ANKRD30B: variants seen among roughly 807,000 people sequenced by gnomAD.
ANKRD30B encodes ankyrin repeat domain-containing protein 30B.
Under a neutral mutation model 202.2 loss-of-function variants are expected in ANKRD30B, and 144 were observed. That is an observed-to-expected ratio of 0.71 (90% confidence interval 0.62 to 0.82). The LOEUF is 0.82. Ranked by LOEUF, ANKRD30B falls within the 40% of genes least tolerant of loss-of-function variation. The pLI is 0.00. For missense variants in ANKRD30B, 1,487 were observed against 1,669.1 expected, an observed-to-expected ratio of 0.89 and a Z score of 1.90; for synonymous variants, 508 against 561.3, an observed-to-expected ratio of 0.91 and a Z score of 1.34.
the ANKRD30B span, among the ~76,000 whole-genome samples, chr18:14,919,828 T>G: frequency 3.3e-5 from 5 of 152,162 alleles, no homozygotes; most frequent in Non-Finnish European, 7.4e-5. Flanking sequence ...AAATCAACCC[T>G]GGTAAATGTT....
intron 6 of ANKRD30B, among the ~76,000 whole-genome samples, chr18:14,763,449 A>G (rs951734643): frequency 2.0e-5 from 3 of 152,076 alleles, no homozygotes; most frequent in Non-Finnish European, 4.4e-5. Flanking sequence ...TGGGAGACTG[A>G]GGTAGGAGAG....
rs186864793 is a variant in ANKRD30B at position 14,851,510 on chromosome 18, T to G, written c.3566T>G (p.Val1189Gly). The G allele has an allele frequency of 6.6e-7, 1 of 1,518,662 alleles. No individual in the cohort carries two copies. Among genetic ancestry groups the G allele is most frequent in the Admixed American group, 2.4e-5 (1 of 42,306 alleles). 94.1% of individuals were successfully genotyped at this position (1,518,662 alleles called of 1,614,324 possible). ...LKSVTSNLNQVSHTHESENDL... is the reference protein window; with the variant it reads ...LKSVTSNLNQGSHTHESENDL... ...AAATTTTTATTTTGTTTTATTTAGGTTTCTCACACTCATGAAAGTGAAAAT... is the reference window on the plus strand; with the variant it reads ...AAATTTTTATTTTGTTTTATTTAGGGTTCTCACACTCATGAAAGTGAAAAT... The change falls in exon 42 of 44, where the codon GTT becomes GGT. Residue 1189 changes from valine to glycine, a missense_variant and splice_region_variant. Physicochemically the swap from Val to Gly is moderately radical, Grantham distance 109. Coordinates refer to ENST00000690538, the MANE Select transcript of ANKRD30B (RefSeq NM_001367607.2).
the ANKRD30B span, among the ~76,000 whole-genome samples, chr18:14,868,871 A>T: frequency 6.6e-6 from 1 of 152,242 alleles, no homozygotes; most frequent in Admixed American, 6.5e-5. Context: ...CCAGGAAGTG[A>T]TGCTGGGACT....
intron 24 of ANKRD30B, among the ~76,000 whole-genome samples, chr18:14,804,267 G>C (rs1262875231): frequency 2.6e-3 from 169 of 65,852 alleles, no homozygotes; most frequent in African/African-American, 9.5e-3. Flanking sequence ...AAACATACCA[G>C]AGAATTACAG....
In ANKRD30B at chr18:14,828,701, G is replaced by A. The variant is rs530388518; in HGVS notation, c.2774+393G>A. Among the ~76,000 whole-genome samples the A allele has an allele frequency of 2.0e-5, 3 of 152,290 alleles. No individual in the cohort carries two copies. In the East Asian group the frequency reaches 5.8e-4, roughly 29 times the overall value. The stretch of plus-strand genomic sequence containing the variant: ...TTCACAAAGTCACATTTTGTTATAT[G>A]TTAACTCTTTTTAGAGATTTCCCAT... On this transcript the variant is annotated intron_variant, in intron 33 of 43. Transcript: ENST00000690538.
chr18:14,823,927 A>C (rs1336885396), intron 32 of ANKRD30B, among the ~76,000 whole-genome samples: 2 of 152,182 alleles, frequency 1.3e-5, no homozygotes, highest in East Asian at 3.9e-4. Context: ...GTGAGCAAAG[A>C]TCGTGCCACT....
At chr18:14,790,929 T>C (rs1374198052) in intron 15 of ANKRD30B, among the ~76,000 whole-genome samples, 2 of 152,166 alleles carry the variant, frequency 1.3e-5, no homozygotes, top group African/African-American at 4.8e-5. Flanking sequence ...GAGGATTCCC[T>C]CTTTTTCTAT....
At chr18:14,898,992 G>T in the ANKRD30B span, among the ~76,000 whole-genome samples, 2 of 152,088 alleles carry the variant, frequency 1.3e-5, no homozygotes, top group Non-Finnish European at 2.9e-5. Flanking sequence ...GATAGCCTAA[G>T]ACAGAATATT....
chr18:14,784,538 A>G lies in ANKRD30B; in HGVS notation c.1672+3A>G, dbSNP rs778124376. The G allele has an allele frequency of 7.4e-6, 12 of 1,611,862 alleles. No homozygotes were observed. The highest frequency in any genetic ancestry group is 1.7e-4 in the Middle Eastern group (1 of 6,012). ...GAATGAACAAACATTGAGAGCAGGT[A>G]AATTTTTCAATTTAACTATGCAAAG... On this transcript the variant is annotated splice_donor_region_variant and intron_variant, in intron 14 of 43. Coordinates refer to ENST00000690538, the MANE Select transcript of ANKRD30B (RefSeq NM_001367607.2).
the ANKRD30B span, among the ~76,000 whole-genome samples, chr18:14,869,016 C>T: frequency 6.6e-6 from 1 of 152,304 alleles, no homozygotes; most frequent in Admixed American, 6.5e-5. Flanking sequence ...CTCTCAGGCA[C>T]CCTAGTGGGG....
intron 9 of ANKRD30B, 31 bp downstream of exon 9, chr18:14,772,259 T>G: frequency 7.4e-7 from 1 of 1,354,382 alleles, no homozygotes; most frequent in South Asian, 1.5e-5. Context: ...GTTGATTTTC[T>G]CAGTTGCAAT....
At chr18:14,800,000 G>A (rs1969208799) in intron 22 of ANKRD30B, among the ~76,000 whole-genome samples, 1 of 151,904 alleles carries the variant, frequency 6.6e-6, no homozygotes, top group African/African-American at 2.4e-5. Context: ...GGAGACCAAG[G>A]TGGGCAGATT....
chr18:14,873,524 C>CAAA, the ANKRD30B span, among the ~76,000 whole-genome samples: 5 of 90,638 alleles, frequency 5.5e-5, no homozygotes, highest in Non-Finnish European at 8.7e-5. Context: ...GACTCCGTTT[C>CAAA]AAAAAAAAAA....
intron 32 of ANKRD30B, chr18:14,825,200 G>A (rs1331461284): frequency 6.6e-6 from 1 of 152,060 alleles, no homozygotes; most frequent in Middle Eastern, 3.2e-3. Context: ...GTTCCATCAC[G>A]ATCCTTTTGC....
the ANKRD30B span, among the ~76,000 whole-genome samples, chr18:14,886,349 A>G: frequency 6.6e-6 from 1 of 152,036 alleles, no homozygotes; most frequent in Admixed American, 6.6e-5. Context: ...CAGTTTTAAG[A>G]TTCTAGAATT....
chr18:14,837,245 A>C lies in ANKRD30B; in HGVS notation c.2882A>C (p.Glu961Ala), dbSNP rs1343077929. The change falls in exon 35 of 44, where the codon GAA becomes GCA. Residue 961 changes from glutamate to alanine, a missense_variant. Transcript: ENST00000690538. ...GATKTVTGQQ[E>A]RDIGIIERAP... is the part of the protein sequence containing the mutation. ...ACAAAGACAGTAACTGGACAACAGG[A>C]ACGTGATATTGGCATTATTGAACGA... 6.5e-7 allele frequency: 1 copy of C among 1,549,618 alleles called. No individual in the cohort carries two copies. The highest frequency in any genetic ancestry group is 1.4e-5 in the African/African-American group (1 of 73,006).
chr18:14,878,724 G>C, the ANKRD30B span, among the ~76,000 whole-genome samples: 1 of 152,098 alleles, frequency 6.6e-6, no homozygotes, highest in Non-Finnish European at 1.5e-5. Flanking sequence ...TTTCTATTTT[G>C]GTATGAGTTT....
chr18:14,828,000 C>G (rs1196758054), intron 32 of ANKRD30B, among the ~76,000 whole-genome samples: 1 of 152,190 alleles, frequency 6.6e-6, no homozygotes, highest in African/African-American at 2.4e-5. Context: ...AACAAATCAT[C>G]TGAGTCTTTG....
intron 33 of ANKRD30B, among the ~76,000 whole-genome samples, chr18:14,830,802 C>T (rs562911734): frequency 3.9e-5 from 6 of 152,262 alleles, no homozygotes; most frequent in African/African-American, 7.2e-5. Flanking sequence ...TTGGCGGTCA[C>T]TATTTTTTAT....
Sources: gnomAD v4.1 joint callset for allele counts (sites outside exome capture counted in the v4.1 genomes callset) on GRCh38, gnomAD v4.1.1 for gene constraint, MANE v1.5 for transcripts, NCBI Gene and HGNC (gene_info 2026-07-23, HGNC 2026-07-21) for gene names.